Variants in KCMF1 observed in about 807,000 individuals in gnomAD.
The protein encoded by KCMF1 is potassium channel modulatory factor 1.
Under a neutral mutation model 41.1 loss-of-function variants are expected in KCMF1, and 3 were observed. The observed-to-expected ratio is 0.07, with a 90% CI of 0.03 to 0.19. The LOEUF is 0.19. KCMF1 is among the 10% of genes least tolerant of loss of function. The pLI is 1.00. For missense variants in KCMF1, 286 were observed against 488.9 expected (o/e 0.58, Z 3.91); for synonymous variants, 142 against 164.5 (o/e 0.86, Z 1.04).
chr2:84,995,391 T>C (rs552722321), intron 1 of KCMF1, among the ~76,000 whole-genome samples: 1 of 152,304 alleles, frequency 6.6e-6, no homozygotes, highest in African/African-American at 2.4e-5. Flanking sequence ...TCTAGAGTCT[T>C]GATTCAGGTT....
chr2:85,043,754 C>T (rs1438528047), intron 4 of KCMF1, 89 bp downstream of exon 4: 2 of 893,834 alleles, frequency 2.2e-6, no homozygotes, highest in Non-Finnish European at 3.6e-6. Flanking sequence ...CTCGCTGTGT[C>T]GACCTGGCTG....
In KCMF1 at chr2:85,010,919, C is replaced by A. The variant is rs142958457; in HGVS notation, c.17-16970C>A. On this transcript the variant is annotated intron_variant, in intron 1 of 6. Coordinates refer to ENST00000409785, the MANE Select transcript of KCMF1 (RefSeq NM_020122.5). ...AGTGCAGTGGCATAATCTCAGCTCA[C>A]TGCAACCTCCACCTCCCGGGTTCAA... Among the ~76,000 whole-genome samples the A allele has an allele frequency of 1.3e-3, 195 of 151,716 alleles. 1 individual carries two copies. Among genetic ancestry groups the A allele is most frequent in the Non-Finnish European group, 2.4e-3 (160 of 67,946 alleles).
chr2:84,974,691 A>ATATATATAT (rs1238471837), intron 1 of KCMF1, among the ~76,000 whole-genome samples: 2 of 14,692 alleles, frequency 1.4e-4, no homozygotes, highest in Non-Finnish European at 2.4e-4. Context: ...ATATATATAT[A>ATATATATAT]TTTTTTTTTT....
At chr2:85,043,392 C>T (rs1013835873) in intron 3 of KCMF1, among the ~76,000 whole-genome samples, 172 bp from the exon 4 acceptor site, 1 of 152,194 alleles carries the variant, frequency 6.6e-6, no homozygotes, top group Admixed American at 6.5e-5. Context: ...CCTGAGGGAC[C>T]TTGTGTGAAC....
At chr2:85,008,354 A>ATCATATATAATATATCATATG (rs1394581511) in intron 1 of KCMF1, among the ~76,000 whole-genome samples, 29 of 56,458 alleles carry the variant, frequency 5.1e-4, no homozygotes, top group Admixed American at 2.1e-3. Flanking sequence ...TATAATATAT[A>ATCATATATAATATATCATATG]ATATATATTA....
At chr2:85,026,428 C>T (rs1281689545) in intron 1 of KCMF1, among the ~76,000 whole-genome samples, 2 of 149,468 alleles carry the variant, frequency 1.3e-5, no homozygotes, top group East Asian at 3.9e-4. Flanking sequence ...TGAGCTATGG[C>T]ACCCAGCCCT....
chr2:84,981,939 C>T (rs969216279), intron 1 of KCMF1, among the ~76,000 whole-genome samples: 3 of 152,010 alleles, frequency 2.0e-5, no homozygotes, highest in Admixed American at 6.6e-5. Flanking sequence ...ACTACCATGC[C>T]CAGCTAATTT....
At chr2:85,008,372 T>TATATAATATATC (rs1558573622) in intron 1 of KCMF1, among the ~76,000 whole-genome samples, 1 of 91,578 alleles carries the variant, frequency 1.1e-5, no homozygotes, top group Non-Finnish European at 2.2e-5. Flanking sequence ...TTATATATCA[T>TATATAATATATC]ATGATATATT....
intron 1 of KCMF1, among the ~76,000 whole-genome samples, chr2:85,020,910 T>G (rs1558578076): frequency 6.6e-6 from 1 of 151,926 alleles, no homozygotes; most frequent in Non-Finnish European, 1.5e-5. Context: ...TTGCTCTGTC[T>G]CCAGGCTGGA....
intron 1 of KCMF1, among the ~76,000 whole-genome samples, chr2:85,004,453 A>G (rs894401158): frequency 2.6e-5 from 4 of 152,016 alleles, no homozygotes; most frequent in Admixed American, 6.6e-5. Context: ...TGGAGTTTGC[A>G]GTGAGCCGAG....
chr2:85,053,245 T>G lies in KCMF1; in HGVS notation c.982T>G (p.Leu328Val), dbSNP rs1280332452. ...LFVQELLLST[L>V]VREESSSSDE... The stretch of plus-strand genomic sequence containing the variant: ...TGTCCAAGAGCTCCTTCTGTCCACT[T>G]TAGTGCGTGAAGAGAGCTCATCCTC... The change falls in exon 7 of 7, where the codon TTA becomes GTA. Residue 328 changes from leucine to valine, a missense_variant. Physicochemically the swap from Leu to Val is conservative, Grantham distance 32. Coordinates refer to ENST00000409785, the MANE Select transcript of KCMF1 (RefSeq NM_020122.5). The G allele has an allele frequency of 1.2e-6, 2 of 1,613,928 alleles. No individual in the cohort carries two copies. Among genetic ancestry groups the G allele is most frequent in the Non-Finnish European group, 1.7e-6 (2 of 1,179,864 alleles).
intron 1 of KCMF1, among the ~76,000 whole-genome samples, chr2:85,000,195 G>A (rs772219886): frequency 2.0e-5 from 3 of 151,516 alleles, no homozygotes; most frequent in African/African-American, 4.9e-5. Context: ...GCACAGTCTC[G>A]GCTCACTGCA....
rs191551288 is a variant in KCMF1 at position 84,981,924 on chromosome 2, C to T, written c.16+10457C>T. On this transcript the variant is annotated intron_variant, in intron 1 of 6. Coordinates refer to ENST00000409785, the MANE Select transcript of KCMF1 (RefSeq NM_020122.5). ...CCTCCTGAGTAGCTGAGATTACAGG[C>T]GCCCACTACCATGCCCAGCTAATTT... is the stretch of plus-strand genomic sequence containing the variant. Among the ~76,000 whole-genome samples the T allele has an allele frequency of 8.7e-4, 133 of 152,132 alleles. 2 individuals carry two copies. The highest frequency in any genetic ancestry group is 8.7e-3 in the East Asian group (45 of 5,166).
rs1016461902 is a variant in KCMF1, at chr2:85,057,201, A to G, written c.*3792A>G. The stretch of plus-strand genomic sequence containing the variant: ...TCTCAAAAAAAAAAAAAATTAAAAC[A>G]CTAGGTACGAAATTATCCCAGAATT... On this transcript the variant is annotated 3_prime_UTR_variant, in exon 7 of 7. Transcript: ENST00000409785. 3 of 152,012 alleles carry G rather than the reference A, an allele frequency of 2.0e-5. No homozygotes were observed. The highest frequency in any genetic ancestry group is 4.8e-5 in the African/African-American group (2 of 41,366). The allele number at this position is 152,012 out of a possible 1,614,324, so 9.4% of individuals were successfully genotyped here.
chr2:84,984,507 TTTTTC>T (rs1220916999), intron 1 of KCMF1, among the ~76,000 whole-genome samples: 3 of 152,020 alleles, frequency 2.0e-5, no homozygotes, highest in Non-Finnish European at 4.4e-5. Context: ...TTTATTTATT[TTTTTC>T]TTTTATATTT....
At chr2:84,975,664 C>G (rs1488859697) in intron 1 of KCMF1, among the ~76,000 whole-genome samples, 1 of 152,128 alleles carries the variant, frequency 6.6e-6, no homozygotes, top group African/African-American at 2.4e-5. Flanking sequence ...TTTGTGTTCA[C>G]CCTGCCAACA....
chr2:85,028,168 C>G, intron 2 of KCMF1, 112 bp downstream of exon 2: 1 of 636,980 alleles, frequency 1.6e-6, no homozygotes, highest in Non-Finnish European at 2.6e-6. Context: ...GCCCCAAATT[C>G]ATTAAACATG....
At chr2:85,034,929 T>G (rs28455924) in intron 2 of KCMF1, 87 bp from the exon 3 acceptor site, 1 of 1,195,438 alleles carries the variant, frequency 8.4e-7, no homozygotes, top group Non-Finnish European at 1.2e-6. Flanking sequence ...GCCCACACTT[T>G]CTTTTTTACA....
At chr2:84,979,153 T>G (rs889300894) in intron 1 of KCMF1, among the ~76,000 whole-genome samples, 1 of 152,212 alleles carries the variant, frequency 6.6e-6, no homozygotes, top group African/African-American at 2.4e-5. Flanking sequence ...GCCATGTTTT[T>G]TTTGTTTTTA....
Sources: gnomAD v4.1 joint callset for allele counts (sites outside exome capture counted in the v4.1 genomes callset) on GRCh38, gnomAD v4.1.1 for gene constraint, MANE v1.5 for transcripts, NCBI Gene and HGNC (gene_info 2026-07-23, HGNC 2026-07-21) for gene names.